CHODL: variants seen among roughly 807,000 people sequenced by gnomAD.
CHODL encodes chondrolectin.
Under a neutral mutation model 34.5 loss-of-function variants are expected in CHODL, and 29 were observed. The observed-to-expected ratio is 0.84, with a 90% CI of 0.63 to 1.15. The LOEUF (loss-of-function observed/expected upper bound fraction) is 1.15. Ranked by LOEUF, CHODL falls within the 50% of genes most tolerant of loss-of-function variation. The pLI is 0.00. For missense variants in CHODL, 332 were observed against 332.5 expected (o/e 1.00, Z 0.01); for synonymous variants, 125 against 116.1 (o/e 1.08, Z -0.49).
intron 2 of CHODL, among the ~76,000 whole-genome samples, chr21:18,166,517 C>T (rs9982726): frequency 0.02 from 3,083 of 152,078 alleles, 97 homozygotes; most frequent in African/African-American, 0.066. Context: ...TCTTGGGGTC[C>T]GTCTTAAAAT....
chr21:17,927,294 G>A (rs1314661237), intron 1 of CHODL, among the ~76,000 whole-genome samples: 1 of 149,282 alleles, frequency 6.7e-6, no homozygotes, highest in Non-Finnish European at 1.5e-5. Flanking sequence ...ATATACCCCT[G>A]CCCACACGTA....
At chr21:18,081,874 A>C (rs1170085247) in intron 2 of CHODL, among the ~76,000 whole-genome samples, 1 of 152,118 alleles carries the variant, frequency 6.6e-6, no homozygotes, top group Non-Finnish European at 1.5e-5. Flanking sequence ...GCAATGCTGA[A>C]TTTTATTTAC....
chr21:18,198,168 A>T (rs1434287096), intron 2 of CHODL, among the ~76,000 whole-genome samples: 1 of 152,202 alleles, frequency 6.6e-6, no homozygotes, highest in Non-Finnish European at 1.5e-5. Flanking sequence ...TTTCAATTAG[A>T]TGCTATACAG....
intron 2 of CHODL, among the ~76,000 whole-genome samples, chr21:18,126,196 T>C (rs1428033225): frequency 3.9e-5 from 6 of 152,092 alleles, no homozygotes; most frequent in Non-Finnish European, 5.9e-5. Context: ...CAACCACCAC[T>C]CTGATTAGTC....
intron 1 of CHODL, among the ~76,000 whole-genome samples, chr21:17,927,683 C>T (rs1227199143): frequency 1.3e-5 from 2 of 152,206 alleles, no homozygotes; most frequent in African/African-American, 4.8e-5. Context: ...ACCACTGTTT[C>T]TGCCAGAGGG....
intron 2 of CHODL, among the ~76,000 whole-genome samples, chr21:18,143,505 T>C (rs1173848281): frequency 2.0e-5 from 3 of 152,130 alleles, no homozygotes; most frequent in Non-Finnish European, 4.4e-5. Flanking sequence ...TTTTGTATGA[T>C]TATAGGCATG....
intron 2 of CHODL, among the ~76,000 whole-genome samples, chr21:18,199,430 T>A: frequency 6.6e-6 from 1 of 152,104 alleles, no homozygotes. Context: ...ATTAACATCT[T>A]GATTAATGTG....
intron 2 of CHODL, among the ~76,000 whole-genome samples, chr21:18,153,680 T>C (rs1032572245): frequency 4.6e-5 from 7 of 152,064 alleles, no homozygotes; most frequent in African/African-American, 1.2e-4. Flanking sequence ...CTGAAAGCAG[T>C]TGAAAATCAA....
intron 1 of CHODL, among the ~76,000 whole-genome samples, chr21:17,973,802 GAAAA>G (rs369903501): frequency 1.6e-5 from 2 of 125,054 alleles, no homozygotes; most frequent in African/African-American, 2.9e-5. Flanking sequence ...TATCTTTCAG[GAAAA>G]AAAAAAAAAA....
chr21:18,154,239 A>C (rs1317129751), intron 2 of CHODL, among the ~76,000 whole-genome samples: 10 of 152,064 alleles, frequency 6.6e-5, no homozygotes, highest in Non-Finnish European at 1.5e-4. Context: ...TCAAAGTTTT[A>C]CTTCTTATTT....
chr21:18,032,408 T>C (rs2064258230), intron 2 of CHODL, among the ~76,000 whole-genome samples: 1 of 151,998 alleles, frequency 6.6e-6, no homozygotes, highest in African/African-American at 2.4e-5. Flanking sequence ...TACAATAAAG[T>C]TCTGAAGGGG....
chr21:18,102,143 T>C (rs1169742681), intron 2 of CHODL, among the ~76,000 whole-genome samples: 1 of 152,190 alleles, frequency 6.6e-6, no homozygotes, highest in Non-Finnish European at 1.5e-5. Context: ...CATCCTATTC[T>C]ATATCCATAG....
At chr21:18,242,907 A>G (rs2074095488), upstream of CHODL, among the ~76,000 whole-genome samples, 1 of 152,180 alleles carries the variant, frequency 6.6e-6, no homozygotes, top group Non-Finnish European at 1.5e-5. Context: ...ATTTGGGCCT[A>G]CTGATATATA....
At chr21:18,186,672 T>G (rs1389983583) in intron 2 of CHODL, among the ~76,000 whole-genome samples, 1 of 152,216 alleles carries the variant, frequency 6.6e-6, no homozygotes, top group Non-Finnish European at 1.5e-5. Context: ...GGAGTCTCAA[T>G]AATACCAAAC....
intron 1 of CHODL, among the ~76,000 whole-genome samples, chr21:17,990,796 CATTT>C (rs1568833468): frequency 6.6e-6 from 1 of 151,958 alleles, no homozygotes; most frequent in Non-Finnish European, 1.5e-5. Context: ...TTACCTAAAA[CATTT>C]ATTATTTGTG....
intron 2 of CHODL, among the ~76,000 whole-genome samples, chr21:18,115,354 T>C (rs368160991): frequency 2.0e-5 from 3 of 152,198 alleles, no homozygotes; most frequent in Non-Finnish European, 4.4e-5. Flanking sequence ...TAAGTGACTG[T>C]GCAAAATAAT....
At chr21:18,171,505 C>A (rs1017096107) in intron 2 of CHODL, among the ~76,000 whole-genome samples, 6 of 152,022 alleles carry the variant, frequency 3.9e-5, no homozygotes, top group Non-Finnish European at 8.8e-5. Flanking sequence ...CCGCGCCCGG[C>A]CTTCTTTAGT....
intron 2 of CHODL, among the ~76,000 whole-genome samples, chr21:18,092,418 G>A (rs182027820): frequency 1.1e-4 from 16 of 152,268 alleles, no homozygotes; most frequent in African/African-American, 3.9e-4. Flanking sequence ...TCAATACCCA[G>A]ACAATGAAGA....
rs549913555 is a variant in CHODL, at chr21:18,164,646, T to C, written c.-44-91863T>C. On this transcript the variant is annotated intron_variant, in intron 2 of 6. Transcript: ENST00000400127. ...TGTGAGGATTAAACGAGAAATATCC[T>C]AATGATTCTCAAGTTTGTGTCATTA... Among the ~76,000 whole-genome samples the C allele has an allele frequency of 2.0e-5, 3 of 152,336 alleles. No homozygotes were observed. In the East Asian group the frequency reaches 5.8e-4, roughly 29 times the overall value.
Sources: allele counts gnomAD v4.1 joint callset (sites outside exome capture counted in the v4.1 genomes callset), GRCh38; gene constraint gnomAD v4.1.1; transcripts MANE v1.5; gene names NCBI Gene and HGNC (gene_info 2026-07-23, HGNC 2026-07-21).